The following PCDHGB4 variants were observed in gnomAD, a reference collection of about 807,000 sequenced individuals.
PCDHGB4 encodes protocadherin gamma subfamily B, 4, also known as protocadherin gamma-B4.
PCDHGB4 carries 38 observed loss-of-function variants against 60.5 expected under a neutral mutation model. The observed-to-expected ratio is 0.63, with a 90% CI of 0.48 to 0.82. PCDHGB4 has a LOEUF of 0.82. Ranked by LOEUF, PCDHGB4 falls within the 40% of genes least tolerant of loss-of-function variation. The probability of loss-of-function intolerance (pLI) is 0.00; values close to 1 mark genes in which losing one functional copy is unlikely to be tolerated. For synonymous variants in PCDHGB4, 456 were observed against 509.7 expected (o/e 0.89, Z 1.42); for missense variants, 1,109 against 1,209.6 (o/e 0.92, Z 1.23).
intron 1 of PCDHGB4, among the ~76,000 whole-genome samples, chr5:141,444,466 C>T (rs539222916): frequency 7.9e-5 from 12 of 152,100 alleles, no homozygotes; most frequent in East Asian, 1.9e-4. Context: ...TCACTGCGCC[C>T]GGTCGCGTAC....
Position 141,487,373 on chromosome 5 carries a change from C to T in PCDHGB4, c.2398-7434C>T. 2 of 1,614,224 alleles carry T rather than the reference C, an allele frequency of 1.2e-6. No homozygotes were observed. Among genetic ancestry groups the T allele is most frequent in the Non-Finnish European group, 1.7e-6 (2 of 1,180,042 alleles). On this transcript the variant is annotated intron_variant, in intron 1 of 3. Transcript: ENST00000519479. This position sits in a 1 kb window ranked among gnomAD's most constrained non-coding sequence, Gnocchi z 5.0. ...CTTTCCTGCTGGCACCTGTGCCTGTCTCACCAGATCTCGAAGGAGGGAGGG... is the reference window on the plus strand; with the variant it reads ...CTTTCCTGCTGGCACCTGTGCCTGTTTCACCAGATCTCGAAGGAGGGAGGG...
intron 1 of PCDHGB4, chr5:141,394,727 C>T (rs971156422): frequency 1.2e-6 from 2 of 1,613,318 alleles, no homozygotes; most frequent in African/African-American, 1.3e-5. Context: ...GAGATGCGCT[C>T]AAGCAGAGCC....
At chr5:141,447,938 T>G in intron 1 of PCDHGB4, among the ~76,000 whole-genome samples, 1 of 151,870 alleles carries the variant, frequency 6.6e-6, no homozygotes, top group Admixed American at 6.6e-5. Flanking sequence ...ATACAAAAAT[T>G]AGCTGGGCAT....
chr5:141,391,895 A>C (rs1315243362), intron 1 of PCDHGB4: 1 of 152,202 alleles, frequency 6.6e-6, no homozygotes, highest in Non-Finnish European at 1.5e-5. Context: ...GATGGGATGG[A>C]GCTTTGCTTT....
intron 1 of PCDHGB4, among the ~76,000 whole-genome samples, chr5:141,448,573 AT>A (rs976781630): frequency 1.3e-5 from 2 of 151,652 alleles, no homozygotes; most frequent in East Asian, 1.9e-4. Flanking sequence ...TTATTTCCCC[AT>A]TTTTTTTACA....
At chr5:141,453,922 T>C (rs2098777315) in intron 1 of PCDHGB4, among the ~76,000 whole-genome samples, 1 of 152,230 alleles carries the variant, frequency 6.6e-6, no homozygotes, top group African/African-American at 2.4e-5. Context: ...CAGTGATCAG[T>C]CACTGTGTGC....
rs889945954 is a variant in PCDHGB4, at chr5:141,489,368, C to A, written c.2398-5439C>A. The A allele has an allele frequency of 2.5e-6, 4 of 1,613,384 alleles. No homozygotes were observed. Among genetic ancestry groups the A allele is most frequent in the Non-Finnish European group, 3.4e-6 (4 of 1,179,478 alleles). On this transcript the variant is annotated intron_variant, in intron 1 of 3. Coordinates refer to ENST00000519479, the MANE Select transcript of PCDHGB4 (RefSeq NM_003736.4). The surrounding 1 kb of genome is among the most constrained non-coding windows in gnomAD (Gnocchi z 4.5). ...GTGGTGGAGGAGTCTGAGCCGGGGA[C>A]GCTGGTGGGGAATGTTGCTCAGGAT...
chr5:141,413,262 G>A (rs2095621152), intron 1 of PCDHGB4: 2 of 1,613,960 alleles, frequency 1.2e-6, no homozygotes, highest in South Asian at 1.1e-5. Context: ...TTCCATGGGA[G>A]GCTGGAGCCC....
chr5:141,488,186 G>T (rs1005725656), intron 1 of PCDHGB4, among the ~76,000 whole-genome samples: 2 of 152,180 alleles, frequency 1.3e-5, no homozygotes, highest in South Asian at 2.1e-4. Context: ...AGATCTTTTG[G>T]TCTGGGTCTT....
At chr5:141,403,588 C>T in intron 1 of PCDHGB4, 1 of 1,613,904 alleles carries the variant, frequency 6.2e-7, no homozygotes, top group South Asian at 1.1e-5. Flanking sequence ...ACCTGGTCCT[C>T]ACGGCCTCGG....
chr5:141,433,001 G>T, intron 1 of PCDHGB4: 1 of 1,614,156 alleles, frequency 6.2e-7, no homozygotes, highest in African/African-American at 1.3e-5. Flanking sequence ...CGGGGTGCAG[G>T]CTTTCCTGCA....
rs780395794 is a variant in PCDHGB4, at chr5:141,489,685, G to A, written c.2398-5122G>A. ...GCGCATCTCAGAATCAGCAGCATCT[G>A]GGGCACGATTCCCACTGGACAGTGC... On this transcript the variant is annotated intron_variant, in intron 1 of 3. Coordinates refer to ENST00000519479, the MANE Select transcript of PCDHGB4 (RefSeq NM_003736.4). The surrounding 1 kb of genome is among the most constrained non-coding windows in gnomAD (Gnocchi z 4.5). 10 of 1,614,142 alleles carry A rather than the reference G, an allele frequency of 6.2e-6. No individual in the cohort carries two copies. The South Asian group carries it at 1.1e-4, about 18-fold the overall frequency.
At chr5:141,495,010 G>T (rs1327870362) in intron 2 of PCDHGB4, 145 bp downstream of exon 2, 1 of 1,516,970 alleles carries the variant, frequency 6.6e-7, no homozygotes, top group Non-Finnish European at 8.9e-7. Flanking sequence ...GTGTGCGGGG[G>T]GCTGGCACAC....
rs967436443 is a variant in PCDHGB4 at position 141,400,001 on chromosome 5, C to G, written c.2397+9720C>G. On this transcript the variant is annotated intron_variant, in intron 1 of 3. Transcript: ENST00000519479. ...CTGCGCACAGGAGAGGTGCGCACAG[C>G]GCGTGCCTTGGGCGACAGGGACGCG... 5.0e-6 allele frequency: 8 copies of G among 1,612,262 alleles called. No individual in the cohort carries two copies. In the Admixed American group the frequency reaches 5.0e-5, roughly 10 times the overall value.
Position 141,486,682 on chromosome 5 carries a change from A to C in PCDHGB4, c.2398-8125A>C, listed in dbSNP as rs781547951. 1.4e-5 allele frequency: 22 copies of C among 1,614,064 alleles called. No individual in the cohort carries two copies. The African/African-American group carries it at 2.3e-4, about 17-fold the overall frequency. ...TGGAGCCCAGGAATCGAGATGTATC[A>C]GCTTCCTCTTTCATCTCTCTGAACC... On this transcript the variant is annotated intron_variant, in intron 1 of 3. Coordinates refer to ENST00000519479, the MANE Select transcript of PCDHGB4 (RefSeq NM_003736.4). The surrounding 1 kb of genome is among the most constrained non-coding windows in gnomAD (Gnocchi z 5.0).
intron 1 of PCDHGB4, among the ~76,000 whole-genome samples, chr5:141,448,083 T>C (rs1020024755): frequency 2.6e-5 from 4 of 151,368 alleles, no homozygotes; most frequent in African/African-American, 9.7e-5. Context: ...CGAAATGCCA[T>C]CTTAAAAAAA....
chr5:141,501,530 G>T (rs556760554), intron 2 of PCDHGB4, among the ~76,000 whole-genome samples: 1 of 151,998 alleles, frequency 6.6e-6, no homozygotes, highest in East Asian at 1.9e-4. Flanking sequence ...AGCCCAGTAC[G>T]TTGTTGTGCA....
chr5:141,448,669 G>A (rs553283446), intron 1 of PCDHGB4, among the ~76,000 whole-genome samples: 13 of 152,136 alleles, frequency 8.5e-5, no homozygotes, highest in African/African-American at 7.2e-5. Flanking sequence ...GGCCGGGCGC[G>A]GTGGCTCACG....
In PCDHGB4 at chr5:141,388,447, G is replaced by C. The variant is rs775979306; in HGVS notation, c.563G>C (p.Gly188Ala). Residue 188 changes from glycine to alanine, a missense_variant, in exon 1 of 4, where the codon GGC becomes GCC. Transcript: ENST00000519479. ...FSLINKEKSD[G>A]SKYPEMVLKT... ...CTGATAAATAAAGAGAAATCAGATG[G>C]CAGTAAATACCCTGAGATGGTATTG... 1.2e-6 allele frequency: 2 copies of C among 1,613,802 alleles called. No individual in the cohort carries two copies. Among genetic ancestry groups the C allele is most frequent in the Non-Finnish European group, 1.7e-6 (2 of 1,179,880 alleles).
Sources: gnomAD v4.1 joint callset for allele counts (sites outside exome capture counted in the v4.1 genomes callset) on GRCh38, gnomAD v4.1.1 for gene constraint, Gnocchi (gnomAD v3.1) non-coding constraint, MANE v1.5 for transcripts, NCBI Gene and HGNC (gene_info 2026-07-23, HGNC 2026-07-21) for gene names.